FAM135B: variants seen among roughly 807,000 people sequenced by gnomAD.
The protein encoded by FAM135B is protein FAM135B.
In FAM135B, 43 loss-of-function variants were observed where a neutral mutation model predicts 127.7. The observed-to-expected ratio is 0.34, with a 90% CI of 0.26 to 0.43. The LOEUF (loss-of-function observed/expected upper bound fraction) is 0.43. Ranked by LOEUF, FAM135B falls within the 20% of genes least tolerant of loss-of-function variation. The pLI, the probability that FAM135B is intolerant of heterozygous loss-of-function variation, is 1.00. For synonymous variants in FAM135B, 670 were observed against 665.1 expected (o/e 1.01, Z -0.11); for missense variants, 1,558 against 1,725.6 (o/e 0.90, Z 1.72).
Position 138,242,870 on chromosome 8 carries a change from A to G in FAM135B, c.669+72T>C. ...GAAGGGGATGTTTCAAAGAAGCATG[A>G]ATCTCATAGAACATACACTCTGCAA... On this transcript the variant is annotated intron_variant, in intron 7 of 19. Transcript: ENST00000395297. The surrounding 1 kb of genome is among the most constrained non-coding windows in gnomAD (Gnocchi z 9.6). The G allele has an allele frequency of 6.6e-7, 1 of 1,520,920 alleles. No homozygotes were observed. The highest frequency in any genetic ancestry group is 1.4e-5 in the African/African-American group (1 of 71,480). 94.2% of individuals were successfully genotyped at this position (1,520,920 alleles called of 1,614,324 possible).
chr8:138,416,268 T>C (rs990958657), intron 1 of FAM135B, among the ~76,000 whole-genome samples: 2 of 152,146 alleles, frequency 1.3e-5, no homozygotes, highest in African/African-American at 4.8e-5. Flanking sequence ...ACCAGCCACT[T>C]ACTAGTTACA....
chr8:138,310,792 G>C (rs1175446086), intron 3 of FAM135B, 49 bp downstream of exon 3: 1 of 1,543,084 alleles, frequency 6.5e-7, no homozygotes, highest in Admixed American at 1.7e-5. Flanking sequence ...AGTGACAAAG[G>C]GAGGTTCGCC....
chr8:138,402,077 T>C lies in FAM135B; in HGVS notation c.-19-34075A>G, dbSNP rs371409205. On this transcript the variant is annotated intron_variant, in intron 1 of 19. Transcript: ENST00000395297. ...GACAGAGACAGAGAGTGAGAACTGG[T>C]GCTGAAGTTCCACGGGCAAAAGGGC... 9.2e-5 allele frequency among the ~76,000 whole-genome samples: 14 copies of C among 152,174 alleles called. No homozygotes were observed. In the East Asian group the frequency reaches 1.2e-3, roughly 13 times the overall value.
intron 5 of FAM135B, among the ~76,000 whole-genome samples, chr8:138,255,026 C>CT (rs5895505): frequency 0.3 from 35,396 of 118,614 alleles, 5,911 homozygotes; most frequent in East Asian, 0.55. Context: ...GAAATCTGAA[C>CT]TTTTTTTTTT....
chr8:138,149,403 C>T (rs2130703697), intron 13 of FAM135B, among the ~76,000 whole-genome samples: 1 of 152,242 alleles, frequency 6.6e-6, no homozygotes, highest in South Asian at 2.1e-4. Flanking sequence ...CCTCACCACT[C>T]CCAGCCTCCA....
rs1309470606 is a variant in FAM135B at position 138,148,679 on chromosome 8, G to C, written c.3289C>G (p.Gln1097Glu). ...EVSERMFSFY[Q>E]AKEKFKKELK... ...TCTTTTTTAAATTTTTCTTTGGCCT[G>C]ATAAAAACTGGAGAATACACTAATT... is the stretch of plus-strand genomic sequence containing the variant. Residue 1097 changes from glutamine (Q) to glutamate (E), a missense_variant, in exon 14 of 20, where the codon CAG (glutamine) becomes GAG (glutamate). By Grantham distance (29) the Gln-to-Glu change is conservative. Transcript: ENST00000395297. 1 of 1,602,316 alleles carries C rather than the reference G, an allele frequency of 6.2e-7. No individual in the cohort carries two copies. Among genetic ancestry groups the C allele is most frequent in the Non-Finnish European group, 8.5e-7 (1 of 1,173,530 alleles).
chr8:138,140,682 A>G (rs1452773575), intron 17 of FAM135B, among the ~76,000 whole-genome samples: 2 of 152,198 alleles, frequency 1.3e-5, no homozygotes, highest in African/African-American at 2.4e-5. Flanking sequence ...CACACCATAT[A>G]TATGTATACA....
intron 1 of FAM135B, among the ~76,000 whole-genome samples, chr8:138,399,207 C>T (rs1019337604): frequency 4.6e-5 from 7 of 151,992 alleles, no homozygotes; most frequent in East Asian, 1.9e-4. Flanking sequence ...TAATAGCATC[C>T]CCATTAATTC....
chr8:138,205,012 C>G (rs6577884), intron 7 of FAM135B, among the ~76,000 whole-genome samples: 109,342 of 152,066 alleles, frequency 0.72, 39,527 homozygotes, highest in East Asian at 0.82. Flanking sequence ...TGCTGTGTGC[C>G]TGGTACTATT....
intron 2 of FAM135B, among the ~76,000 whole-genome samples, chr8:138,321,933 A>G (rs564556920): frequency 1.4e-4 from 22 of 152,292 alleles, no homozygotes; most frequent in Admixed American, 6.5e-4. Context: ...AGAGCTGCAC[A>G]TGCTGTGACT....
Position 138,194,818 on chromosome 8 carries a change from C to T in FAM135B, c.873+440G>A, listed in dbSNP as rs557639228. Among the ~76,000 whole-genome samples the T allele has an allele frequency of 1.5e-4, 23 of 152,320 alleles. No individual in the cohort carries two copies. In the East Asian group the frequency reaches 2.9e-3, roughly 19 times the overall value. ...TTATTCAGCCTTTACTCTTAATGCA[C>T]GCTTGATGAGGCTTTGTTGGCAAAT... On this transcript the variant is annotated intron_variant, in intron 9 of 19. Transcript: ENST00000395297.
At chr8:138,196,693 G>A (rs142073771) in intron 8 of FAM135B, among the ~76,000 whole-genome samples, 25 of 152,286 alleles carry the variant, frequency 1.6e-4, no homozygotes, top group Non-Finnish European at 1.0e-4. Flanking sequence ...GGGTGTTATC[G>A]TTGAAAAGCA....
At chr8:138,215,815 G>A (rs1189724036) in intron 7 of FAM135B, among the ~76,000 whole-genome samples, 1 of 152,134 alleles carries the variant, frequency 6.6e-6, no homozygotes, top group African/African-American at 2.4e-5. Flanking sequence ...GATCCTACAA[G>A]TGATGCCACG....
intron 3 of FAM135B, among the ~76,000 whole-genome samples, chr8:138,298,894 A>C (rs988041245): frequency 2.0e-5 from 3 of 151,638 alleles, no homozygotes; most frequent in African/African-American, 7.3e-5. Flanking sequence ...GATTCTATAC[A>C]CCCCACACTG....
At chr8:138,490,224 T>C (rs1190816276) in intron 1 of FAM135B, among the ~76,000 whole-genome samples, 1 of 152,208 alleles carries the variant, frequency 6.6e-6, no homozygotes, top group African/African-American at 2.4e-5. Context: ...CTAGAGTACC[T>C]GTATTCAAGT....
At chr8:138,285,850 G>A (rs993721342) in intron 3 of FAM135B, among the ~76,000 whole-genome samples, 1 of 152,164 alleles carries the variant, frequency 6.6e-6, no homozygotes, top group Non-Finnish European at 1.5e-5. Context: ...AAAGCAAAAG[G>A]TTCCTAAAAT....
chr8:138,271,895 C>A (rs1823405721), intron 3 of FAM135B, among the ~76,000 whole-genome samples: 1 of 151,922 alleles, frequency 6.6e-6, no homozygotes, highest in African/African-American at 2.4e-5. Flanking sequence ...TGAGTATGGT[C>A]TTGGGTATAT....
At chr8:138,176,862 T>A (rs1814521477) in intron 11 of FAM135B, among the ~76,000 whole-genome samples, 1 of 152,160 alleles carries the variant, frequency 6.6e-6, no homozygotes, top group African/African-American at 2.4e-5. Flanking sequence ...CTCAACCCTC[T>A]CACTGCCTTG....
rs1821455846 is a variant in FAM135B, at chr8:138,248,527, TA to T, written c.542+2313del. Among the ~76,000 whole-genome samples the T allele has an allele frequency of 5.3e-5, 8 of 152,240 alleles. No individual in the cohort carries two copies. The South Asian group carries it at 1.7e-3, about 32-fold the overall frequency. On this transcript the variant is annotated intron_variant, in intron 6 of 19. Coordinates refer to ENST00000395297, the MANE Select transcript of FAM135B (RefSeq NM_015912.4). Reference sequence around the variant, plus strand: ...TCGGGTTAGTATCACATCTCATTTTTAAAAAATTTCGGCTGGGTGCAGTGGC... The same window carrying T: ...TCGGGTTAGTATCACATCTCATTTTTAAAAATTTCGGCTGGGTGCAGTGGC...
Sources: allele counts gnomAD v4.1 joint callset (sites outside exome capture counted in the v4.1 genomes callset), GRCh38; gene constraint gnomAD v4.1.1; non-coding constraint Gnocchi (gnomAD v3.1); transcripts MANE v1.5; gene names NCBI Gene and HGNC (gene_info 2026-07-23, HGNC 2026-07-21).